EPB41: variants seen among roughly 807,000 people sequenced by gnomAD.
The protein encoded by EPB41 is erythrocyte membrane protein band 4.1.
Under a neutral mutation model 108.0 loss-of-function variants are expected in EPB41, and 65 were observed. The observed-to-expected ratio is 0.60, with a 90% CI of 0.49 to 0.74. The LOEUF is 0.74. Among genes scored for constraint, EPB41 ranks in the 30% least tolerant of loss-of-function variants. The probability of loss-of-function intolerance (pLI) is 0.00; values close to 1 mark genes in which losing one functional copy is unlikely to be tolerated. For missense variants in EPB41, 875 were observed against 1,037.0 expected, an observed-to-expected ratio of 0.84 and a Z score of 2.15; for synonymous variants, 336 against 358.9, an observed-to-expected ratio of 0.94 and a Z score of 0.72.
chr1:28,902,698 G>A (rs2091428916), intron 1 of EPB41, among the ~76,000 whole-genome samples: 1 of 152,086 alleles, frequency 6.6e-6, no homozygotes, highest in Admixed American at 6.6e-5. Context: ...CTAGGTGTAG[G>A]GTTTCCAAAT....
At chr1:29,062,128 G>A (rs1646672517) in intron 15 of EPB41, among the ~76,000 whole-genome samples, 2 of 152,154 alleles carry the variant, frequency 1.3e-5, no homozygotes, top group African/African-American at 4.8e-5. Flanking sequence ...TTTCAAACTT[G>A]GCAACTGGAT....
intron 2 of EPB41, among the ~76,000 whole-genome samples, chr1:28,990,972 T>C (rs1314881312): frequency 6.6e-6 from 1 of 152,148 alleles, no homozygotes; most frequent in East Asian, 1.9e-4. Flanking sequence ...ACGATATTGT[T>C]AGTAAAATTT....
chr1:28,931,269 G>A (rs1263329693), intron 1 of EPB41, among the ~76,000 whole-genome samples: 3 of 150,304 alleles, frequency 2.0e-5, no homozygotes, highest in Non-Finnish European at 4.4e-5. Context: ...GTGGTGGCAT[G>A]TACCTGTGGT....
Position 29,065,044 on chromosome 1 carries a change from G to C in EPB41, c.2070G>C (p.Lys690Asn). Residue 690 changes from lysine to asparagine, a missense_variant, in exon 16 of 21, where the codon AAG becomes AAC. Physicochemically the swap from Lys to Asn is moderately conservative, Grantham distance 94 (BLOSUM62 0). Around this residue, in one of 3 missense-constraint regions of EPB41, gnomAD observed 519 missense variants for 627.3 expected, o/e 0.83. Coordinates refer to ENST00000343067, the MANE Select transcript of EPB41 (RefSeq NM_001376013.1). Reference protein sequence around the residue: ...KHHASISELKKNFMESVPEPR... With the variant: ...KHHASISELKNNFMESVPEPR... Reference sequence around the variant, plus strand: ...ATGCCAGCATCAGTGAGCTGAAAAAGAACTTCATGGAGTCTGTACCAGAAC... The same window carrying C: ...ATGCCAGCATCAGTGAGCTGAAAAACAACTTCATGGAGTCTGTACCAGAAC... The C allele has an allele frequency of 1.2e-6, 2 of 1,614,150 alleles. No individual in the cohort carries two copies. Among genetic ancestry groups the C allele is most frequent in the Non-Finnish European group, 1.7e-6 (2 of 1,180,020 alleles).
At chr1:28,903,122 A>T (rs989550583) in intron 1 of EPB41, among the ~76,000 whole-genome samples, 2 of 152,148 alleles carry the variant, frequency 1.3e-5, no homozygotes, top group African/African-American at 4.8e-5. Context: ...CAGTTAAAGT[A>T]CTTAGGCACT....
At chr1:28,955,044 T>C (rs934137342) in intron 1 of EPB41, among the ~76,000 whole-genome samples, 54 of 152,164 alleles carry the variant, frequency 3.5e-4, no homozygotes, top group African/African-American at 1.3e-3. Flanking sequence ...CTACAAGCAG[T>C]ATTGGTGCAT....
At chr1:28,975,958 A>AAAG (rs1553205875) in intron 1 of EPB41, among the ~76,000 whole-genome samples, 39 of 140,174 alleles carry the variant, frequency 2.8e-4, no homozygotes, top group East Asian at 1.8e-3. Flanking sequence ...AAAAAAAAAA[A>AAAG]AAAGAAAGAA....
At chr1:29,094,916 T>G (rs1376527350) in intron 16 of EPB41, among the ~76,000 whole-genome samples, 1 of 152,224 alleles carries the variant, frequency 6.6e-6, no homozygotes, top group African/African-American at 2.4e-5. Flanking sequence ...GGTATTTACA[T>G]ATAACCTATG....
chr1:29,013,849 TTTTTTTA>T lies in EPB41; in HGVS notation c.830-1842_830-1836del, dbSNP rs1200103243. Reference sequence around the variant, plus strand: ...CAGCCCTTAAGTTTTTTTTTTTTTTTTTTTTTAATCACACAAGTAATATATACCCATT... The same window carrying T: ...CAGCCCTTAAGTTTTTTTTTTTTTTTATCACACAAGTAATATATACCCATT... On this transcript the variant is annotated intron_variant, in intron 5 of 20. Transcript: ENST00000343067. Among the ~76,000 whole-genome samples the T allele has an allele frequency of 2.0e-5, 3 of 147,402 alleles. 1 individual carries two copies. The highest frequency in any genetic ancestry group is 4.5e-5 in the Non-Finnish European group (3 of 67,306).
Position 28,990,697 on chromosome 1 carries a change from G to A in EPB41, c.469-2633G>A, listed in dbSNP as rs2095998401. ...GCCTTCCAGAATGCTGGGATTACAGGCATGACCACTGTGCCTGGCCTCAAG... is the reference window on the plus strand; with the variant it reads ...GCCTTCCAGAATGCTGGGATTACAGACATGACCACTGTGCCTGGCCTCAAG... On this transcript the variant is annotated intron_variant, in intron 2 of 20. Coordinates refer to ENST00000343067, the MANE Select transcript of EPB41 (RefSeq NM_001376013.1). Among the ~76,000 whole-genome samples the A allele has an allele frequency of 2.6e-5, 4 of 152,072 alleles. No individual in the cohort carries two copies. In the South Asian group the frequency reaches 8.3e-4, roughly 32 times the overall value.
intron 4 of EPB41, among the ~76,000 whole-genome samples, chr1:29,006,560 C>T (rs1480475165): frequency 6.6e-6 from 1 of 151,926 alleles, no homozygotes; most frequent in East Asian, 1.9e-4. Context: ...AAAGTGAACA[C>T]ATCTGTATAA....
At chr1:28,962,242 G>A (rs376312079) in intron 1 of EPB41, among the ~76,000 whole-genome samples, 31 of 152,096 alleles carry the variant, frequency 2.0e-4, no homozygotes, top group South Asian at 1.2e-3. Context: ...TGTACTTTTA[G>A]TAGAGACGGG....
At chr1:29,080,014 T>A (rs1003339963) in intron 16 of EPB41, among the ~76,000 whole-genome samples, 39 of 151,860 alleles carry the variant, frequency 2.6e-4, no homozygotes, top group African/African-American at 8.7e-4. Flanking sequence ...AAGAAAAAAA[T>A]ATATATTTCT....
At chr1:29,039,214 T>A (rs1450173655) in intron 10 of EPB41, 40 bp from the exon 11 acceptor site, 1 of 1,577,436 alleles carries the variant, frequency 6.3e-7, no homozygotes, top group Non-Finnish European at 8.7e-7. Flanking sequence ...AATAATAAGA[T>A]GAATATATAA....
intron 16 of EPB41, chr1:29,073,204 C>G (rs1388175603): frequency 6.6e-6 from 1 of 151,812 alleles, no homozygotes; most frequent in Admixed American, 6.6e-5. Context: ...TTGGTGTTAC[C>G]CTGATTCAGC....
At chr1:28,947,408 GACAAACAAACAAACAAACAAACAAACAA>G (rs61120635) in intron 1 of EPB41, among the ~76,000 whole-genome samples, 2 of 149,626 alleles carry the variant, frequency 1.3e-5, no homozygotes, top group Non-Finnish European at 3.0e-5. Context: ...CTCCGTCTCA[GACAAACAAACAAACAAACAAACAAACAA>G]ACAAACAAAC....
chr1:28,979,380 C>T (rs760443097), intron 1 of EPB41, among the ~76,000 whole-genome samples: 2 of 151,330 alleles, frequency 1.3e-5, no homozygotes, highest in Non-Finnish European at 2.9e-5. Context: ...AAAATGCATG[C>T]GAAAAATACA....
intron 16 of EPB41, among the ~76,000 whole-genome samples, chr1:29,091,477 A>G (rs1268779038): frequency 1.3e-5 from 2 of 152,210 alleles, no homozygotes; most frequent in African/African-American, 4.8e-5. Flanking sequence ...GGAAAGTAGC[A>G]TAGCATCTTA....
chr1:28,895,011 G>T (rs377174162), intron 1 of EPB41, among the ~76,000 whole-genome samples: 39 of 152,280 alleles, frequency 2.6e-4, no homozygotes, highest in African/African-American at 9.4e-4. Flanking sequence ...GCTGAGTGGA[G>T]GTTCCAGCTC....
Sources: gnomAD v4.1 joint callset for allele counts (sites outside exome capture counted in the v4.1 genomes callset) on GRCh38, gnomAD v4.1.1 for gene constraint, gnomAD v4.1.1 regional missense constraint, MANE v1.5 for transcripts, NCBI Gene and HGNC (gene_info 2026-07-23, HGNC 2026-07-21) for gene names.